Variants in FGL1 observed in about 807,000 individuals in gnomAD.
FGL1 encodes fibrinogen like 1, also known as fibrinogen-like protein 1.
A neutral mutation model predicts 43.7 loss-of-function variants in FGL1; 59 were observed. The observed-to-expected ratio is 1.35, with a 90% CI of 1.10 to 1.68. The LOEUF is 1.68. Among genes scored for constraint, FGL1 ranks in the 40% most tolerant of loss-of-function variants. FGL1 has a pLI of 0.00. For synonymous variants in FGL1, 192 were observed against 126.5 expected, an observed-to-expected ratio of 1.52 and a Z score of -3.48; for missense variants, 596 against 373.0, an observed-to-expected ratio of 1.60 and a Z score of -4.92.
At chr8:17,876,413 A>C (rs2053456950) in intron 3 of FGL1, among the ~76,000 whole-genome samples, 2 of 152,134 alleles carry the variant, frequency 1.3e-5, no homozygotes, top group Admixed American at 1.3e-4. Flanking sequence ...GGTTGGGACC[A>C]ACCATATACT....
At chr8:17,893,707 A>G (rs1450059877) in intron 1 of FGL1, among the ~76,000 whole-genome samples, 2 of 147,142 alleles carry the variant, frequency 1.4e-5, no homozygotes, top group Non-Finnish European at 3.0e-5. Context: ...TAAGTTCTCT[A>G]AAATTTTCCA....
At chr8:17,878,566 G>C (rs982536986) in intron 3 of FGL1, among the ~76,000 whole-genome samples, 6 of 152,112 alleles carry the variant, frequency 3.9e-5, no homozygotes. Flanking sequence ...ACCAGTTAAT[G>C]TGAATTTGAC....
Position 17,882,052 on chromosome 8 carries a change from T to C in FGL1, c.191A>G (p.Asp64Gly), listed in dbSNP as rs981945849. Residue 64 changes from aspartate (D) to glycine (G), a missense_variant, in exon 3 of 8, where the codon GAT (aspartate) becomes GGT (glycine). Asp to Gly is a moderately conservative substitution (Grantham distance 94). Transcript: ENST00000427924. ...LLQENEVQFL[D>G]KGDENTVIDL... ...AATGACAGTATTCTCATCTCCTTTATCAAGGAACTGGACTTCATTCTCCTG... is the reference window on the plus strand; with the variant it reads ...AATGACAGTATTCTCATCTCCTTTACCAAGGAACTGGACTTCATTCTCCTG... The C allele has an allele frequency of 1.2e-6, 2 of 1,614,000 alleles. No homozygotes were observed. The highest frequency in any genetic ancestry group is 1.3e-5 in the African/African-American group (1 of 74,994).
chr8:17,874,877 C>G (rs2053421694), intron 3 of FGL1, among the ~76,000 whole-genome samples: 1 of 151,828 alleles, frequency 6.6e-6, no homozygotes, highest in Non-Finnish European at 1.5e-5. Context: ...TCAAACAATC[C>G]TATCCTCCCA....
At chr8:17,879,159 ATCTG>A (rs890984234) in intron 3 of FGL1, among the ~76,000 whole-genome samples, 28 of 151,598 alleles carry the variant, frequency 1.8e-4, no homozygotes, top group Non-Finnish European at 2.6e-4. Flanking sequence ...AATTCCTATC[ATCTG>A]TCTTATTATT....
intron 3 of FGL1, among the ~76,000 whole-genome samples, chr8:17,880,378 C>T (rs1297614794): frequency 6.6e-6 from 1 of 152,222 alleles, no homozygotes; most frequent in Non-Finnish European, 1.5e-5. Flanking sequence ...CATAGACTCT[C>T]ACAACTCCTA....
At chr8:17,882,726 TATGCATA>T (rs2053555896) in intron 2 of FGL1, 2 of 136,216 alleles carry the variant, frequency 1.5e-5, no homozygotes, top group Admixed American at 8.1e-5. Context: ...ATATATTATA[TATGCATA>T]TAAATAATAT....
rs1326737819 is a variant in FGL1 at position 17,869,013 on chromosome 8, G to T, written c.503-9C>A. 1 of 1,556,494 alleles carries T rather than the reference G, an allele frequency of 6.4e-7. No homozygotes were observed. The highest frequency in any genetic ancestry group is 1.2e-5 in the South Asian group (1 of 85,452). ...TTTTAAAGTGTAGTCTTCTAAAAAA[G>T]AAACAAGCAATTATAATTTTTAAAA... On this transcript the variant is annotated splice_polypyrimidine_tract_variant and intron_variant, in intron 5 of 7. Transcript: ENST00000427924.
chr8:17,877,577 C>G (rs2053474750), intron 3 of FGL1, among the ~76,000 whole-genome samples: 1 of 150,882 alleles, frequency 6.6e-6, no homozygotes, highest in African/African-American at 2.4e-5. Context: ...GAGAACTGGC[C>G]CTGCTACCGC....
At chr8:17,879,366 G>A (rs1189229557) in intron 3 of FGL1, among the ~76,000 whole-genome samples, 3 of 152,010 alleles carry the variant, frequency 2.0e-5, no homozygotes, top group Non-Finnish European at 2.9e-5. Context: ...TCAACACAAG[G>A]ACTGGATCTT....
At chr8:17,866,137 A>G (rs2053266367) in intron 7 of FGL1, among the ~76,000 whole-genome samples, 1 of 152,182 alleles carries the variant, frequency 6.6e-6, no homozygotes, top group South Asian at 2.1e-4. Context: ...TTTGAATCCC[A>G]TTAGGAAACT....
At chr8:17,883,015 T>G (rs190055800) in intron 2 of FGL1, among the ~76,000 whole-genome samples, 1 of 91,772 alleles carries the variant, frequency 1.1e-5, no homozygotes, top group African/African-American at 6.5e-5. Flanking sequence ...ATTAAATATA[T>G]AATATATATC....
chr8:17,883,465 T>C (rs2053580628), intron 2 of FGL1, among the ~76,000 whole-genome samples: 2 of 126,354 alleles, frequency 1.6e-5, no homozygotes, highest in African/African-American at 6.3e-5. Context: ...TATTATATAA[T>C]ATATAAATAT....
rs147781251 is a variant in FGL1, at chr8:17,865,867, C to A, written c.780-1116G>T. 1.5e-4 allele frequency among the ~76,000 whole-genome samples: 22 copies of A among 151,064 alleles called. No homozygotes were observed. The East Asian group carries it at 4.2e-3, about 29-fold the overall frequency. ...TAATCTACCCGTAAAGGCTGAGTGGCTGGCTTGAATCACTTATCAGCTTAA... is the reference window on the plus strand; with the variant it reads ...TAATCTACCCGTAAAGGCTGAGTGGATGGCTTGAATCACTTATCAGCTTAA... On this transcript the variant is annotated intron_variant, in intron 7 of 7. Transcript: ENST00000427924.
intron 3 of FGL1, among the ~76,000 whole-genome samples, chr8:17,879,633 GCCGTCTGCCATGATTGTAAGTTCC>G (rs1459630468): frequency 6.6e-6 from 1 of 152,018 alleles, no homozygotes; most frequent in Non-Finnish European, 1.5e-5. Context: ...CTTCTGCTTT[GCCGTCTGCCATGATTGTAAGTTCC>G]CTGAGGCCTC....
intron 7 of FGL1, among the ~76,000 whole-genome samples, chr8:17,866,759 C>G (rs2050681261): frequency 1.3e-5 from 2 of 152,202 alleles, no homozygotes; most frequent in African/African-American, 4.8e-5. Context: ...TGGTTTTGAT[C>G]TCAGGATACT....
chr8:17,869,222 A>C (rs2053320017), intron 5 of FGL1, among the ~76,000 whole-genome samples: 1 of 152,250 alleles, frequency 6.6e-6, no homozygotes, highest in South Asian at 2.1e-4. Flanking sequence ...TATTAAATTT[A>C]AAAAATGTCT....
intron 3 of FGL1, among the ~76,000 whole-genome samples, chr8:17,879,317 G>T (rs1409357543): frequency 6.6e-6 from 1 of 151,902 alleles, no homozygotes; most frequent in East Asian, 1.9e-4. Flanking sequence ...CTTATTCCTT[G>T]GTGACCCCTT....
intron 5 of FGL1, among the ~76,000 whole-genome samples, chr8:17,870,230 T>C (rs2053337629): frequency 6.6e-6 from 1 of 152,210 alleles, no homozygotes; most frequent in South Asian, 2.1e-4. Context: ...TATACTTTAA[T>C]GACTGTAAAA....
Sources: gnomAD v4.1 joint callset for allele counts (sites outside exome capture counted in the v4.1 genomes callset) on GRCh38, gnomAD v4.1.1 for gene constraint, MANE v1.5 for transcripts, NCBI Gene and HGNC (gene_info 2026-07-23, HGNC 2026-07-21) for gene names.